RFC3: variants seen among roughly 807,000 people sequenced by gnomAD.
RFC3 encodes replication factor C subunit 3.
Under a neutral mutation model 45.1 loss-of-function variants are expected in RFC3, and 41 were observed. That is an observed-to-expected ratio of 0.91 (90% CI 0.71 to 1.18). The LOEUF is 1.18. Among genes scored for constraint, RFC3 ranks in the 50% most tolerant of loss-of-function variants. The pLI, the probability that RFC3 is intolerant of heterozygous loss-of-function variation, is 0.00. For missense variants in RFC3, 423 were observed against 428.1 expected, an observed-to-expected ratio of 0.99 and a Z score of 0.10; for synonymous variants, 149 against 144.0, an observed-to-expected ratio of 1.03 and a Z score of -0.25.
At chr13:33,943,736 A>T (rs1018888599) in intron 8 of RFC3, among the ~76,000 whole-genome samples, 2 of 151,834 alleles carry the variant, frequency 1.3e-5, no homozygotes, top group Admixed American at 1.3e-4. Flanking sequence ...TGTAGAACTC[A>T]TGGGGGGCTT....
chr13:33,934,053 T>C (rs1390425237), intron 8 of RFC3, among the ~76,000 whole-genome samples: 3 of 151,610 alleles, frequency 2.0e-5, no homozygotes, highest in African/African-American at 7.3e-5. Flanking sequence ...AAATGTTTAA[T>C]AATAGAGCCA....
intron 8 of RFC3, among the ~76,000 whole-genome samples, chr13:33,894,676 A>G (rs950703567): frequency 2.0e-5 from 3 of 152,150 alleles, no homozygotes; most frequent in African/African-American, 4.8e-5. Flanking sequence ...GATTGTCTGG[A>G]ACCTAGCTAG....
chr13:33,951,679 A>G (rs1298922765), intron 8 of RFC3, among the ~76,000 whole-genome samples: 1 of 152,208 alleles, frequency 6.6e-6, no homozygotes, highest in Non-Finnish European at 1.5e-5. Flanking sequence ...GGTTTAGAGT[A>G]AATCATCTAA....
At chr13:33,857,718 A>G (rs991711020) in intron 8 of RFC3, among the ~76,000 whole-genome samples, 9 of 152,224 alleles carry the variant, frequency 5.9e-5, no homozygotes, top group African/African-American at 2.2e-4. Flanking sequence ...CTAATATGAA[A>G]TGTGATTCAA....
intron 8 of RFC3, among the ~76,000 whole-genome samples, chr13:33,911,372 C>T (rs565361915): frequency 1.7e-4 from 26 of 152,168 alleles, no homozygotes; most frequent in Admixed American, 3.3e-4. Context: ...TATGTCTCTC[C>T]ATGACTTATA....
intron 4 of RFC3, among the ~76,000 whole-genome samples, chr13:33,827,069 A>G (rs964530727): frequency 2.0e-5 from 3 of 152,204 alleles, no homozygotes; most frequent in Non-Finnish European, 4.4e-5. Context: ...ATCCATGAAT[A>G]TGCTTTTATG....
At chr13:33,857,051 A>G (rs577160246) in intron 8 of RFC3, among the ~76,000 whole-genome samples, 7 of 152,314 alleles carry the variant, frequency 4.6e-5, no homozygotes, top group African/African-American at 1.7e-4. Context: ...GGGCAAGAGA[A>G]TTTTATTTCA....
intron 8 of RFC3, among the ~76,000 whole-genome samples, chr13:33,882,119 G>C (rs1333344825): frequency 6.6e-6 from 1 of 152,210 alleles, no homozygotes; most frequent in South Asian, 2.1e-4. Flanking sequence ...AAGTAGAACA[G>C]ATAATTTCTT....
At chr13:33,956,592 T>G in intron 8 of RFC3, among the ~76,000 whole-genome samples, 1 of 152,320 alleles carries the variant, frequency 6.6e-6, no homozygotes, top group East Asian at 1.9e-4. Flanking sequence ...AATGCATGAC[T>G]GTTATGTAGT....
At chr13:33,894,170 G>A (rs1355757404) in intron 8 of RFC3, among the ~76,000 whole-genome samples, 1 of 152,138 alleles carries the variant, frequency 6.6e-6, no homozygotes, top group Non-Finnish European at 1.5e-5. Flanking sequence ...GTGAAAAACT[G>A]TAAGTCCCCA....
chr13:33,937,091 A>T (rs1292442337), intron 8 of RFC3, among the ~76,000 whole-genome samples: 2 of 152,208 alleles, frequency 1.3e-5, no homozygotes, highest in Non-Finnish European at 1.5e-5. Flanking sequence ...TCTTAAATAC[A>T]GTCATGTACC....
intron 8 of RFC3, among the ~76,000 whole-genome samples, chr13:33,907,228 A>G (rs2082677234): frequency 6.6e-6 from 1 of 152,062 alleles, no homozygotes; most frequent in Non-Finnish European, 1.5e-5. Flanking sequence ...AATATGTTCT[A>G]TTCCTAAACC....
chr13:33,932,517 G>C (rs991721499), intron 8 of RFC3, among the ~76,000 whole-genome samples: 1 of 151,988 alleles, frequency 6.6e-6, no homozygotes, highest in Non-Finnish European at 1.5e-5. Context: ...ACTAAAATGT[G>C]TTAGTCTGCT....
intron 8 of RFC3, among the ~76,000 whole-genome samples, chr13:33,865,780 A>G (rs1044538249): frequency 6.6e-6 from 1 of 152,164 alleles, no homozygotes; most frequent in African/African-American, 2.4e-5. Context: ...GTGGCCAGGT[A>G]TGGTGGCTCA....
At chr13:33,915,190 C>G (rs972134437) in intron 8 of RFC3, among the ~76,000 whole-genome samples, 2 of 152,172 alleles carry the variant, frequency 1.3e-5, no homozygotes, top group African/African-American at 4.8e-5. Context: ...ATGAATTCAA[C>G]TGCTGCTGCT....
At chr13:33,938,234 TCAAAGCAATGAAATATAAAG>T (rs1380054791) in intron 8 of RFC3, among the ~76,000 whole-genome samples, 1 of 138,822 alleles carries the variant, frequency 7.2e-6, no homozygotes, top group Non-Finnish European at 1.5e-5. Flanking sequence ...GAAAATGACT[TCAAAGCAATGAAATATAAAG>T]TAATTGCAAG....
At position 33,823,909 on chromosome 13, in the gene RFC3, G is replaced by T. The variant is rs772777505; in HGVS notation, c.226-8G>T. ...AAATGTTAAAAATATCTTTTTCTTT[G>T]TCCACAGACTCCATCTAAAAAAAAA... On this transcript the variant is annotated splice_polypyrimidine_tract_variant and splice_region_variant and intron_variant, in intron 2 of 8. Coordinates refer to ENST00000380071, the MANE Select transcript of RFC3 (RefSeq NM_002915.4). 1.0e-5 allele frequency: 15 copies of T among 1,453,842 alleles called. No homozygotes were observed. Among genetic ancestry groups the T allele is most frequent in the Non-Finnish European group, 1.1e-5 (12 of 1,054,172 alleles). The allele number at this position is 1,453,842 out of a possible 1,614,324, so 90.1% of individuals were successfully genotyped here.
At chr13:33,940,668 G>T (rs997573913) in intron 8 of RFC3, among the ~76,000 whole-genome samples, 1 of 151,864 alleles carries the variant, frequency 6.6e-6, no homozygotes, top group African/African-American at 2.4e-5. Flanking sequence ...TTATTTTATT[G>T]TTATTTAATG....
rs76758372 is a variant in RFC3, at chr13:33,912,256, A to C, written c.880-53831A>C. Among the ~76,000 whole-genome samples, 185 of 152,154 alleles carry C rather than the reference A, an allele frequency of 1.2e-3. 1 individual carries two copies. Among genetic ancestry groups the C allele is most frequent in the African/African-American group, 4.4e-3 (182 of 41,530 alleles). ...TCATTCGACAAATGGAGCTTTCATT[A>C]ACTCTGGGTCCTAGGACCTAGAGAT... On this transcript the variant is annotated intron_variant, in intron 8 of 8. Coordinates refer to the RFC3 transcript ENST00000434425.
Sources: allele counts gnomAD v4.1 joint callset (sites outside exome capture counted in the v4.1 genomes callset), GRCh38; gene constraint gnomAD v4.1.1; transcripts MANE v1.5; gene names NCBI Gene and HGNC (gene_info 2026-07-23, HGNC 2026-07-21).